Variants in CYP2C19 observed in about 807,000 individuals in gnomAD.
CYP2C19 encodes cytochrome P450 family 2 subfamily C member 19.
CYP2C19 carries 59 observed loss-of-function variants against 40.9 expected under a neutral mutation model. The ratio of observed to expected loss-of-function variants is 1.44; its 90% CI spans 1.17 to 1.79. CYP2C19 has a LOEUF of 1.79. Ranked by LOEUF, CYP2C19 falls within the 40% of genes most tolerant of loss-of-function variation. The pLI is 0.00. For missense variants in CYP2C19, 754 were observed against 596.9 expected, an observed-to-expected ratio of 1.26 and a Z score of -2.74; for synonymous variants, 253 against 208.7, an observed-to-expected ratio of 1.21 and a Z score of -1.83.
chr10:94,834,887 C>T (rs1291684071), intron 6 of CYP2C19, among the ~76,000 whole-genome samples: 1 of 152,198 alleles, frequency 6.6e-6, no homozygotes, highest in Non-Finnish European at 1.5e-5. Context: ...CTAGTCCTGT[C>T]TCTAAGTCCC....
chr10:94,815,312 C>G (rs1853205), intron 5 of CYP2C19, among the ~76,000 whole-genome samples: 26,803 of 152,106 alleles, frequency 0.18, 2,615 homozygotes, highest in South Asian at 0.33. Context: ...GTTAACTACA[C>G]AATGTTTAAC....
intron 5 of CYP2C19, among the ~76,000 whole-genome samples, chr10:94,819,850 A>G (rs1428417055): frequency 1.1e-5 from 1 of 95,040 alleles, no homozygotes; most frequent in Admixed American, 1.1e-4. Context: ...AAACTATTCC[A>G]ATCAATAGAA....
At chr10:94,804,808 A>G (rs1449982644) in intron 5 of CYP2C19, among the ~76,000 whole-genome samples, 1 of 152,198 alleles carries the variant, frequency 6.6e-6, no homozygotes, top group East Asian at 1.9e-4. Flanking sequence ...GTTGATCTTT[A>G]TGTACTGTGC....
intron 3 of CYP2C19, chr10:94,775,741 T>C: frequency 1.3e-6 from 1 of 782,392 alleles, no homozygotes; most frequent in South Asian, 1.9e-5. Flanking sequence ...GTGCATACAG[T>C]GTGGGTATAA....
At chr10:94,810,797 G>C (rs1452854270) in intron 5 of CYP2C19, among the ~76,000 whole-genome samples, 1 of 151,784 alleles carries the variant, frequency 6.6e-6, no homozygotes, top group Non-Finnish European at 1.5e-5. Flanking sequence ...TATTAGTCTG[G>C]CTAGCAGCCT....
At chr10:94,798,588 G>A (rs1035222823) in intron 5 of CYP2C19, among the ~76,000 whole-genome samples, 11 of 151,986 alleles carry the variant, frequency 7.2e-5, no homozygotes, top group African/African-American at 2.4e-5. Flanking sequence ...ATTGACAGTA[G>A]GATGTTAAAG....
At chr10:94,828,756 A>C (rs1005696905) in intron 6 of CYP2C19, among the ~76,000 whole-genome samples, 1 of 151,694 alleles carries the variant, frequency 6.6e-6, no homozygotes, top group East Asian at 1.9e-4. Flanking sequence ...TTCTTCCTAG[A>C]CTCGATGGTC....
intron 5 of CYP2C19, 54 bp downstream of exon 5, chr10:94,782,051 T>C: frequency 7.0e-7 from 1 of 1,427,528 alleles, no homozygotes; most frequent in South Asian, 1.4e-5. Flanking sequence ...TTGTGATTCA[T>C]TGACTAGTTT....
chr10:94,764,416 C>A (rs879756594), intron 1 of CYP2C19, among the ~76,000 whole-genome samples: 3 of 152,122 alleles, frequency 2.0e-5, no homozygotes, highest in Middle Eastern at 3.2e-3. Flanking sequence ...ATCTGCAAAC[C>A]TTTAGCTAGA....
At chr10:94,764,539 C>T (rs913183269) in intron 1 of CYP2C19, among the ~76,000 whole-genome samples, 1 of 152,142 alleles carries the variant, frequency 6.6e-6, no homozygotes, top group African/African-American at 2.4e-5. Context: ...CCCCTTTAAA[C>T]AGGACACCCC....
At chr10:94,798,682 G>A (rs529843076) in intron 5 of CYP2C19, among the ~76,000 whole-genome samples, 1 of 152,120 alleles carries the variant, frequency 6.6e-6, no homozygotes, top group South Asian at 2.1e-4. Context: ...CCTGTATTGG[G>A]TGCATATATA....
At chr10:94,830,644 C>T (rs535399803) in intron 6 of CYP2C19, among the ~76,000 whole-genome samples, 1 of 152,320 alleles carries the variant, frequency 6.6e-6, no homozygotes, top group Admixed American at 6.5e-5. Context: ...GAGCTGTAGA[C>T]CAGAGCTGTT....
rs772082164 is a variant in CYP2C19, at chr10:94,843,024, G to A, written c.1149G>A (p.Lys383=). 10 of 1,614,104 alleles carry A rather than the reference G, an allele frequency of 6.2e-6. No homozygotes were observed. The highest frequency in any genetic ancestry group is 6.8e-6 in the Non-Finnish European group (8 of 1,179,992). The change falls in exon 7 of 9, where the codon AAG becomes AAA. Residue 383 remains lysine (K), a splice_region_variant and synonymous_variant. Transcript: ENST00000371321. ...DVKFRNYLIP[K]GTTILTSLTS... The stretch of plus-strand genomic sequence containing the variant: ...AATTCAGAAACTACCTCATTCCCAA[G>A]GTAAGTTTGTTTCTCCTACACTGCA...
At chr10:94,815,926 A>G (rs886636798) in intron 5 of CYP2C19, among the ~76,000 whole-genome samples, 9 of 152,246 alleles carry the variant, frequency 5.9e-5, no homozygotes, top group Admixed American at 5.9e-4. Flanking sequence ...TCAGGCTCAT[A>G]GTATCTAATG....
At chr10:94,801,297 T>G (rs1432719424) in intron 5 of CYP2C19, among the ~76,000 whole-genome samples, 1 of 152,244 alleles carries the variant, frequency 6.6e-6, no homozygotes, top group Non-Finnish European at 1.5e-5. Context: ...ATTATTTCTT[T>G]GTTCTCATTG....
chr10:94,830,872 T>A (rs956213144), intron 6 of CYP2C19, among the ~76,000 whole-genome samples: 1 of 152,018 alleles, frequency 6.6e-6, no homozygotes, highest in African/African-American at 2.4e-5. Flanking sequence ...GAGAATGGGG[T>A]ATCTGTGCCC....
intron 6 of CYP2C19, among the ~76,000 whole-genome samples, chr10:94,832,465 C>T (rs1320448773): frequency 6.6e-6 from 1 of 152,212 alleles, no homozygotes; most frequent in Non-Finnish European, 1.5e-5. Flanking sequence ...ATTATCCCCA[C>T]ATGGCCTTGT....
intron 1 of CYP2C19, 95 bp downstream of exon 1, chr10:94,762,968 A>T (rs1380969885): frequency 7.6e-7 from 1 of 1,314,056 alleles, no homozygotes; most frequent in African/African-American, 1.5e-5. Context: ...GTTACAAGAG[A>T]TCATTGTAAA....
Position 94,825,843 on chromosome 10 carries a change from A to G in CYP2C19, c.961+5206A>G, listed in dbSNP as rs1343967857. ...TTGAATTGATTTTTGTATAAGGTGT[A>G]AGGAAGGGATCCAGTTTCAGCTTTC... On this transcript the variant is annotated intron_variant, in intron 6 of 8. Coordinates refer to ENST00000371321, the MANE Select transcript of CYP2C19 (RefSeq NM_000769.4). Among the ~76,000 whole-genome samples the G allele has an allele frequency of 2.0e-5, 3 of 149,116 alleles. No individual in the cohort carries two copies. The Admixed American group carries it at 2.0e-4, about 10-fold the overall frequency.
Sources: allele counts gnomAD v4.1 joint callset (sites outside exome capture counted in the v4.1 genomes callset), GRCh38; gene constraint gnomAD v4.1.1; transcripts MANE v1.5; gene names NCBI Gene and HGNC (gene_info 2026-07-23, HGNC 2026-07-21).